PIK3C2B: variants seen among roughly 807,000 people sequenced by gnomAD.
PIK3C2B encodes phosphatidylinositol-4-phosphate 3-kinase catalytic subunit type 2 beta, also known as phosphatidylinositol 4-phosphate 3-kinase C2 domain-containing subunit beta.
Under a neutral mutation model 184.3 loss-of-function variants are expected in PIK3C2B, and 83 were observed. That is an observed-to-expected ratio of 0.45 (90% CI 0.38 to 0.54). The LOEUF (loss-of-function observed/expected upper bound fraction) is 0.54. Ranked by LOEUF, PIK3C2B falls within the 20% of genes least tolerant of loss-of-function variation. The pLI is 0.00. For missense variants in PIK3C2B, 1,736 were observed against 2,113.5 expected (o/e 0.82, Z 3.50); for synonymous variants, 779 against 837.6 (o/e 0.93, Z 1.21).
chr1:204,441,424 TTC>T (rs757582147), intron 21 of PIK3C2B, 45 bp downstream of exon 21: 1 of 1,320,596 alleles, frequency 7.6e-7, no homozygotes, highest in East Asian at 2.3e-5. Flanking sequence ...GGCTGCCTCC[TTC>T]TCTCTCCCAC....
chr1:204,456,353 T>A, intron 10 of PIK3C2B: 1 of 245,182 alleles, frequency 4.1e-6, no homozygotes, highest in Non-Finnish European at 7.8e-6. Flanking sequence ...TATTGTCAGT[T>A]GCTTCAAAAA....
chr1:204,444,192 T>C, intron 17 of PIK3C2B, 30 bp from the exon 18 acceptor site: 1 of 1,524,264 alleles, frequency 6.6e-7, no homozygotes, highest in Non-Finnish European at 9.1e-7. Context: ...AAAGAGAATA[T>C]GAAGCTTCAT....
Position 204,425,041 on chromosome 1 carries a change from C to A in PIK3C2B, c.4717-1G>T. On this transcript the variant is annotated splice_acceptor_variant, in intron 32 of 32. Transcript: ENST00000684373. LOFTEE classifies it high-confidence loss of function. ...CCTTGGGGATCCCATCATATACCAA[C>A]TGCAAACATAGAGATGGGTGAGGGA... The A allele has an allele frequency of 6.2e-7, 1 of 1,612,268 alleles. No homozygotes were observed. Among genetic ancestry groups the A allele is most frequent in the Non-Finnish European group, 8.5e-7 (1 of 1,178,728 alleles).
intron 1 of PIK3C2B, among the ~76,000 whole-genome samples, chr1:204,472,486 T>C (rs1232619478): frequency 6.6e-6 from 1 of 151,184 alleles, no homozygotes; most frequent in Non-Finnish European, 1.5e-5. Context: ...TTTTAAAAAG[T>C]ACCGAAGCCC....
chr1:204,457,091 G>C (rs374055372), intron 9 of PIK3C2B, 21 bp from the exon 10 acceptor site: 206 of 1,558,536 alleles, frequency 1.3e-4, no homozygotes, highest in Non-Finnish European at 5.3e-5. Flanking sequence ...AAAGAAGAGG[G>C]AGGGGAGCTT....
chr1:204,472,288 C>T (rs887654585), intron 1 of PIK3C2B, among the ~76,000 whole-genome samples: 21 of 151,916 alleles, frequency 1.4e-4, no homozygotes, highest in Non-Finnish European at 2.6e-4. Context: ...CTCAGCCTCC[C>T]GAGTAGCTGG....
intron 12 of PIK3C2B, among the ~76,000 whole-genome samples, chr1:204,452,441 C>A (rs1474962418): frequency 6.7e-6 from 1 of 150,022 alleles, no homozygotes; most frequent in African/African-American, 2.5e-5. Flanking sequence ...CCACACTTGG[C>A]TAATTTTTTG....
At chr1:204,484,981 A>G (rs1657469583) in intron 1 of PIK3C2B, among the ~76,000 whole-genome samples, 1 of 151,972 alleles carries the variant, frequency 6.6e-6, no homozygotes, top group African/African-American at 2.4e-5. Flanking sequence ...GTGGGAGTCC[A>G]GGTCCTTAGA....
rs1392155587 is a variant in PIK3C2B at position 204,444,077 on chromosome 1, T to A, written c.2858A>T (p.Tyr953Phe). The A allele has an allele frequency of 6.2e-7, 1 of 1,607,754 alleles. No individual in the cohort carries two copies. Among genetic ancestry groups the A allele is most frequent in the Non-Finnish European group, 8.5e-7 (1 of 1,174,308 alleles). Residue 953 changes from tyrosine (Y) to phenylalanine (F), a missense_variant, in exon 18 of 33, where the codon TAC becomes TTC. Coordinates refer to ENST00000684373, the MANE Select transcript of PIK3C2B (RefSeq NM_001377334.1). ...RAVSDLRVTH[Y>F]FFWLLKDGLK... is the part of the protein sequence containing the mutation. ...CTACATGCAGTTTTACCAGAAGAAGTAGTGAGTCACTCTCAAGTCAGACAC... is the reference window on the plus strand; with the variant it reads ...CTACATGCAGTTTTACCAGAAGAAGAAGTGAGTCACTCTCAAGTCAGACAC...
At chr1:204,451,218 G>T (rs1654326306) in intron 12 of PIK3C2B, among the ~76,000 whole-genome samples, 1 of 152,240 alleles carries the variant, frequency 6.6e-6, no homozygotes, top group Admixed American at 6.5e-5. Flanking sequence ...CTGATCCCTG[G>T]ACCGCTACAG....
chr1:204,479,126 G>A (rs1337316620), intron 1 of PIK3C2B, among the ~76,000 whole-genome samples: 3 of 152,180 alleles, frequency 2.0e-5, no homozygotes, highest in Non-Finnish European at 2.9e-5. Flanking sequence ...CCAGAAGCTG[G>A]CAATCAACTG....
intron 2 of PIK3C2B, among the ~76,000 whole-genome samples, chr1:204,465,537 C>T (rs1655689771): frequency 6.6e-6 from 1 of 152,234 alleles, no homozygotes; most frequent in South Asian, 2.1e-4. Context: ...GAAGCTCTGG[C>T]TGAGATGGAC....
chr1:204,465,589 A>G (rs1252406421), intron 2 of PIK3C2B, among the ~76,000 whole-genome samples: 1 of 152,148 alleles, frequency 6.6e-6, no homozygotes, highest in Non-Finnish European at 1.5e-5. Context: ...ACAGTCTGAT[A>G]AGCGTGAGGC....
chr1:204,449,258 G>C lies in PIK3C2B; in HGVS notation c.2273C>G (p.Pro758Arg). The change falls in exon 14 of 33, where the codon CCA becomes CGA. Residue 758 changes from proline (P) to arginine (R), a missense_variant. Pro to Arg is a moderately radical substitution (Grantham distance 103). Transcript: ENST00000684373. The stretch of plus-strand genomic sequence containing the variant: ...GGCGCTGGGATTTTCCTGTGTTGCT[G>C]GCCACAAACCCAGAAGCTTCCGGCC... ...TCGRKLLGLW[P>R]ATQENPSARW... 7 of 1,612,882 alleles carry C rather than the reference G, an allele frequency of 4.3e-6. No homozygotes were observed. The highest frequency in any genetic ancestry group is 5.9e-6 in the Non-Finnish European group (7 of 1,179,652).
intron 11 of PIK3C2B, among the ~76,000 whole-genome samples, 197 bp downstream of exon 11, chr1:204,455,659 C>T (rs1654787671): frequency 6.6e-6 from 1 of 152,166 alleles, no homozygotes; most frequent in Admixed American, 6.5e-5. Context: ...AAGGGACCTC[C>T]TCTCTCCTCT....
chr1:204,486,428 A>C (rs960922058), intron 1 of PIK3C2B, among the ~76,000 whole-genome samples: 2 of 142,856 alleles, frequency 1.4e-5, no homozygotes, highest in Non-Finnish European at 3.1e-5. Flanking sequence ...AAAACACAAC[A>C]AAAAAAAAAC....
In PIK3C2B at chr1:204,469,172, C is replaced by T; in HGVS notation, c.631G>A (p.Glu211Lys). The change falls in exon 2 of 33, where the codon GAA becomes AAA. Residue 211 changes from glutamate to lysine, a missense_variant. Glu to Lys is a moderately conservative substitution (Grantham distance 56). This residue lies in a region of PIK3C2B where 404 missense variants were observed against 418.0 expected (regional missense o/e 0.97). Transcript: ENST00000684373. ...TGACCCCCACCTCCCAGCACCTCTT[C>T]CTCTTCTAGGATCCGATGCTCTAGC... ...KLLEHRILEE[E>K]EVLGGGGQGR... 6.2e-7 allele frequency: 1 copy of T among 1,614,010 alleles called. No homozygotes were observed. The highest frequency in any genetic ancestry group is 8.5e-7 in the Non-Finnish European group (1 of 1,179,940).
intron 1 of PIK3C2B, chr1:204,489,705 T>C (rs1356289437): frequency 7.7e-6 from 3 of 387,140 alleles, no homozygotes; most frequent in African/African-American, 4.1e-5. Flanking sequence ...ACAAACACTC[T>C]GCTTTCAGAA....
At chr1:204,472,289 G>A (rs1004962400) in intron 1 of PIK3C2B, among the ~76,000 whole-genome samples, 10 of 150,790 alleles carry the variant, frequency 6.6e-5, no homozygotes, top group Non-Finnish European at 1.5e-5. Flanking sequence ...TCAGCCTCCC[G>A]AGTAGCTGGG....
Sources: allele counts gnomAD v4.1 joint callset (sites outside exome capture counted in the v4.1 genomes callset), GRCh38; gene constraint gnomAD v4.1.1; regional missense constraint gnomAD v4.1.1; transcripts MANE v1.5; gene names NCBI Gene and HGNC (gene_info 2026-07-23, HGNC 2026-07-21).